Variants in PHF19 observed in about 807,000 individuals in gnomAD.
PHF19 encodes the protein PHD finger protein 19, also known as polycomb like 3.
PHF19 carries 21 observed loss-of-function variants against 79.8 expected under a neutral mutation model. The observed-to-expected ratio is 0.26, with a 90% CI of 0.19 to 0.38. The LOEUF (loss-of-function observed/expected upper bound fraction) is 0.38, where lower values mean the gene tolerates loss of function less well. PHF19 is among the 10% of genes least tolerant of loss of function. PHF19 has a pLI of 1.00. For missense variants in PHF19, 445 were observed against 744.2 expected, an observed-to-expected ratio of 0.60 and a Z score of 4.68; for synonymous variants, 273 against 296.3, an observed-to-expected ratio of 0.92 and a Z score of 0.81.
Position 120,862,798 on chromosome 9 carries a change from C to T in PHF19, c.969-49G>A, listed in dbSNP as rs2045573306. The T allele has an allele frequency of 4.4e-6, 7 of 1,582,934 alleles. No homozygotes were observed. The highest frequency in any genetic ancestry group is 5.2e-6 in the Non-Finnish European group (6 of 1,153,024). ...GAAGCTCTGGAGTCTGTCAGTCCATCCTCCTGGGGAGTGGGGTCAAGCATG... is the reference window on the plus strand; with the variant it reads ...GAAGCTCTGGAGTCTGTCAGTCCATTCTCCTGGGGAGTGGGGTCAAGCATG... On this transcript the variant is annotated intron_variant, in intron 10 of 14. Transcript: ENST00000373896. The surrounding 1 kb of genome is among the most constrained non-coding windows in gnomAD (Gnocchi z 4.6).
intron 1 of PHF19, among the ~76,000 whole-genome samples, chr9:120,894,120 G>C (rs980713630): frequency 3.3e-5 from 5 of 152,274 alleles, no homozygotes; most frequent in South Asian, 4.2e-4. Context: ...CAACAGGGAC[G>C]ACCCTAATCA....
At chr9:120,894,182 C>T (rs1004289662) in intron 1 of PHF19, among the ~76,000 whole-genome samples, 2 of 152,172 alleles carry the variant, frequency 1.3e-5, no homozygotes, top group Admixed American at 1.3e-4. Flanking sequence ...GCCTGCCTGG[C>T]ACGTGGTTGG....
At chr9:120,895,717 A>G (rs1054483378), upstream of PHF19, among the ~76,000 whole-genome samples, 16 of 151,990 alleles carry the variant, frequency 1.1e-4, no homozygotes, top group Middle Eastern at 3.2e-3. Flanking sequence ...CAGTGATGCT[A>G]TCTTGGCTCA....
upstream of PHF19, among the ~76,000 whole-genome samples, chr9:120,879,889 A>G (rs2046153682): frequency 2.0e-5 from 3 of 152,324 alleles, no homozygotes; most frequent in South Asian, 6.2e-4. Context: ...AAAATAGCCT[A>G]AAATGTGAAA....
chr9:120,872,702 T>C (rs2045939091), intron 3 of PHF19, among the ~76,000 whole-genome samples: 1 of 151,570 alleles, frequency 6.6e-6, no homozygotes, highest in African/African-American at 2.4e-5. Flanking sequence ...TTTTTTTTTT[T>C]TGAGACAGAG....
chr9:120,903,837 T>TGG, the PHF19 span: 7 of 152,322 alleles, frequency 4.6e-5, no homozygotes, highest in Admixed American at 3.3e-4. Flanking sequence ...AGAGGGGATG[T>TGG]TCCTGCCAGC....
At chr9:120,892,818 A>C (rs141008779) in intron 1 of PHF19, among the ~76,000 whole-genome samples, 2 of 152,378 alleles carry the variant, frequency 1.3e-5, no homozygotes, top group Admixed American at 1.3e-4. Context: ...TAAGTGCTGA[A>C]AAAAAGGGTT....
upstream of PHF19, chr9:120,877,385 G>C: frequency 1.0e-6 from 1 of 979,750 alleles, no homozygotes; most frequent in Non-Finnish European, 1.2e-6. Context: ...GGCCGCGCCG[G>C]CCTCGCCATT....
rs1170243737 is a variant in PHF19, at chr9:120,872,037, CAAA to C, written c.269-1502_269-1500del. ...TGGGTGACAGAGCAAGACTCTGTCTCAAAAAAAAAAAAAAAAAAAAAAAAAAAA... is the reference window on the plus strand; with the variant it reads ...TGGGTGACAGAGCAAGACTCTGTCTCAAAAAAAAAAAAAAAAAAAAAAAAA... On this transcript the variant is annotated intron_variant, in intron 3 of 14. Coordinates refer to ENST00000373896, the MANE Select transcript of PHF19 (RefSeq NM_015651.3). Among the ~76,000 whole-genome samples, 59 of 30,304 alleles carry C rather than the reference CAAA, an allele frequency of 1.9e-3. 1 individual carries two copies. Among genetic ancestry groups the C allele is most frequent in the African/African-American group, 5.6e-3 (42 of 7,516 alleles). The allele number at this position is 30,304 out of a possible 152,430, so 19.9% of individuals were successfully genotyped here.
At chr9:120,867,343 C>T (rs1254634177) in intron 6 of PHF19, among the ~76,000 whole-genome samples, 1 of 152,216 alleles carries the variant, frequency 6.6e-6, no homozygotes. Context: ...ACACTGCTGA[C>T]AGGGAAACGT....
chr9:120,861,913 C>T lies in PHF19; in HGVS notation c.1218+5G>A. On this transcript the variant is annotated splice_donor_5th_base_variant and intron_variant, in intron 12 of 14. Transcript: ENST00000373896. ...AAATGGAGAGTAAGAAAACAAGGAA[C>T]TAACACTGGGAATAGCATCTTCCAG... 1.3e-6 allele frequency: 2 copies of T among 1,593,010 alleles called. No individual in the cohort carries two copies. The highest frequency in any genetic ancestry group is 1.7e-6 in the Non-Finnish European group (2 of 1,160,770).
rs1416198565 is a variant in PHF19, at chr9:120,874,156, C to T, written c.187-96G>A. On this transcript the variant is annotated intron_variant, in intron 2 of 14. Transcript: ENST00000373896. This position sits in a 1 kb window ranked among gnomAD's most constrained non-coding sequence, Gnocchi z 4.5. ...CCCCCATTTTTGTCTCCGTATGTTCCAGAAAGCAGGGCTAGAAGGGGAAGA... is the reference window on the plus strand; with the variant it reads ...CCCCCATTTTTGTCTCCGTATGTTCTAGAAAGCAGGGCTAGAAGGGGAAGA... 2.5e-5 allele frequency: 18 copies of T among 714,646 alleles called. No homozygotes were observed. The highest frequency in any genetic ancestry group is 1.0e-5 in the Non-Finnish European group (4 of 396,390). The allele number at this position is 714,646 out of a possible 1,614,324, so 44.3% of individuals were successfully genotyped here.
Position 120,870,029 on chromosome 9 carries a change from G to T in PHF19, c.365-84C>A. On this transcript the variant is annotated intron_variant, in intron 4 of 14. Coordinates refer to ENST00000373896, the MANE Select transcript of PHF19 (RefSeq NM_015651.3). The surrounding 1 kb of genome is among the most constrained non-coding windows in gnomAD (Gnocchi z 4.4). The stretch of plus-strand genomic sequence containing the variant: ...GGCCCAAAGGAGGCAGGGCTGGGAG[G>T]GCTGAGGGAAGTCCTAGGAGCTCTG... 6.6e-7 allele frequency: 1 copy of T among 1,514,602 alleles called. No homozygotes were observed. Among genetic ancestry groups the T allele is most frequent in the East Asian group, 2.5e-5 (1 of 40,534 alleles). The allele number at this position is 1,514,602 out of a possible 1,614,324, so 93.8% of individuals were successfully genotyped here.
At chr9:120,859,106 G>A (rs1175487805) in intron 14 of PHF19, among the ~76,000 whole-genome samples, 1 of 152,054 alleles carries the variant, frequency 6.6e-6, no homozygotes, top group East Asian at 1.9e-4. Context: ...GCAACAGAGT[G>A]AGACTGTCTC....
At chr9:120,877,760 AAC>A (rs1429115321), upstream of PHF19, among the ~76,000 whole-genome samples, 2 of 152,230 alleles carry the variant, frequency 1.3e-5, no homozygotes, top group Non-Finnish European at 2.9e-5. Context: ...GTAGATACAC[AAC>A]ACACAGTGCA....
Position 120,874,450 on chromosome 9 carries a change from A to T in PHF19, c.186+106T>A, listed in dbSNP as rs1391797405. On this transcript the variant is annotated intron_variant, in intron 2 of 14. Transcript: ENST00000373896. The surrounding 1 kb of genome is among the most constrained non-coding windows in gnomAD (Gnocchi z 4.5). ...CCAGCTTTGGGCATGAGGGACAAGA[A>T]GGGAATTCTCCAGCAATCCCCCTGC... is the stretch of plus-strand genomic sequence containing the variant. 5 of 757,252 alleles carry T rather than the reference A, an allele frequency of 6.6e-6. No homozygotes were observed. The highest frequency in any genetic ancestry group is 4.9e-5 in the Admixed American group (2 of 40,524). 46.9% of individuals were successfully genotyped at this position (757,252 alleles called of 1,614,324 possible).
rs754789629 is a variant in PHF19 at position 120,870,420 on chromosome 9, A to G, written c.364+23T>C. 9 of 1,511,536 alleles carry G rather than the reference A, an allele frequency of 6.0e-6. No individual in the cohort carries two copies. The highest frequency in any genetic ancestry group is 1.7e-4 in the Middle Eastern group (1 of 5,822). The allele number at this position is 1,511,536 out of a possible 1,614,324, so 93.6% of individuals were successfully genotyped here. ...GGGACCTATAGGTCGGGGCCTTCTCAGGGCCCTGCTCGCTCCACTCACCCA... is the reference window on the plus strand; with the variant it reads ...GGGACCTATAGGTCGGGGCCTTCTCGGGGCCCTGCTCGCTCCACTCACCCA... On this transcript the variant is annotated intron_variant, in intron 4 of 14. Coordinates refer to ENST00000373896, the MANE Select transcript of PHF19 (RefSeq NM_015651.3). This position sits in a 1 kb window ranked among gnomAD's most constrained non-coding sequence, Gnocchi z 4.4.
upstream of PHF19, among the ~76,000 whole-genome samples, chr9:120,880,041 T>A (rs890338877): frequency 3.9e-5 from 6 of 152,278 alleles, no homozygotes; most frequent in African/African-American, 1.4e-4. Flanking sequence ...GTTGGGACCC[T>A]CAAATACCTA....
At chr9:120,892,234 C>T (rs1396572978) in intron 1 of PHF19, among the ~76,000 whole-genome samples, 1 of 152,154 alleles carries the variant, frequency 6.6e-6, no homozygotes, top group African/African-American at 2.4e-5. Flanking sequence ...GCGGCAAACC[C>T]CACACGTGGA....
Sources: allele counts gnomAD v4.1 joint callset (sites outside exome capture counted in the v4.1 genomes callset), GRCh38; gene constraint gnomAD v4.1.1; non-coding constraint Gnocchi (gnomAD v3.1); transcripts MANE v1.5; gene names NCBI Gene and HGNC (gene_info 2026-07-23, HGNC 2026-07-21).